The following PECR variants were observed in gnomAD, a reference collection of about 807,000 sequenced individuals.
The protein encoded by PECR is 2,4-dienoyl-CoA reductase-related protein.
In PECR, 30 loss-of-function variants were observed where a neutral mutation model predicts 35.3. The ratio of observed to expected loss-of-function variants is 0.85; its 90% CI spans 0.64 to 1.15. The LOEUF (loss-of-function observed/expected upper bound fraction) is 1.15, where lower values mean the gene tolerates loss of function less well. PECR is among the 50% of genes most tolerant of loss of function. The pLI, the probability that PECR is intolerant of heterozygous loss-of-function variation, is 0.00. For missense variants in PECR, 392 were observed against 370.8 expected (o/e 1.06, Z -0.47); for synonymous variants, 148 against 138.9 (o/e 1.07, Z -0.46).
At chr2:216,075,926 T>C (rs1378453504) in intron 1 of PECR, among the ~76,000 whole-genome samples, 1 of 152,208 alleles carries the variant, frequency 6.6e-6, no homozygotes, top group Admixed American at 6.5e-5. Context: ...TAACAGAAAG[T>C]GAATGATTAA....
At chr2:216,054,083 G>A (rs546728997) in intron 4 of PECR, among the ~76,000 whole-genome samples, 308 of 151,984 alleles carry the variant, frequency 2.0e-3, no homozygotes, top group African/African-American at 6.7e-3. Flanking sequence ...TCAGGAGTTC[G>A]AGACCAGCCT....
intron 7 of PECR, among the ~76,000 whole-genome samples, chr2:216,031,738 G>C (rs1418364525): frequency 1.4e-5 from 2 of 142,838 alleles, no homozygotes; most frequent in East Asian, 4.0e-4. Context: ...TTGGATAAAA[G>C]CATCCATTTA....
chr2:216,068,162 T>A lies in PECR; in HGVS notation c.125-1644A>T, dbSNP rs1178413216. 7.2e-5 allele frequency among the ~76,000 whole-genome samples: 10 copies of A among 139,826 alleles called. No individual in the cohort carries two copies. The East Asian group carries it at 2.1e-3, about 29-fold the overall frequency. 91.7% of individuals were successfully genotyped at this position (139,826 alleles called of 152,430 possible). ...TAATTGCTTGAACCCGGGAGGCAGA[T>A]GTTACAGGAGCTGAGATCGCCCCAC... is the stretch of plus-strand genomic sequence containing the variant. On this transcript the variant is annotated intron_variant, in intron 1 of 7. Coordinates refer to ENST00000265322, the MANE Select transcript of PECR (RefSeq NM_018441.6).
At chr2:216,036,144 T>A (rs1231758203), downstream of PECR, among the ~76,000 whole-genome samples, 1 of 151,990 alleles carries the variant, frequency 6.6e-6, no homozygotes, top group African/African-American at 2.4e-5. Context: ...GACGAAAGAG[T>A]GAGCCCCTGG....
chr2:216,066,251 C>T, intron 2 of PECR, 134 bp downstream of exon 2: 1 of 812,154 alleles, frequency 1.2e-6, no homozygotes, highest in Non-Finnish European at 2.2e-6. Context: ...ATGAGAATCT[C>T]TTTCACAGCC....
intron 1 of PECR, among the ~76,000 whole-genome samples, chr2:216,073,851 A>C (rs1410225561): frequency 1.3e-5 from 2 of 151,996 alleles, no homozygotes; most frequent in Non-Finnish European, 2.9e-5. Flanking sequence ...TTTGCCTACC[A>C]CTCTATGATG....
chr2:216,030,956 T>TCA (rs1219074422), intron 7 of PECR, among the ~76,000 whole-genome samples: 1,878 of 113,330 alleles, frequency 0.017, 18 homozygotes, highest in Middle Eastern at 0.037. Flanking sequence ...TCTCTCTCTC[T>TCA]CACACACACA....
At chr2:216,063,480 T>A (rs920813561) in intron 3 of PECR, among the ~76,000 whole-genome samples, 10 of 151,976 alleles carry the variant, frequency 6.6e-5, no homozygotes, top group African/African-American at 2.4e-4. Flanking sequence ...TAGCCAGATG[T>A]GGTGGTGAAT....
intron 1 of PECR, among the ~76,000 whole-genome samples, chr2:216,080,231 G>A (rs1221717422): frequency 1.3e-5 from 2 of 151,802 alleles, no homozygotes; most frequent in East Asian, 2.0e-4. Context: ...ACAGGTGTAC[G>A]CCACCATGCC....
intron 1 of PECR, among the ~76,000 whole-genome samples, chr2:216,080,185 G>A (rs972109942): frequency 6.6e-6 from 1 of 151,820 alleles, no homozygotes; most frequent in Non-Finnish European, 1.5e-5. Context: ...AGGTTCAAGC[G>A]ATTCTTGCGC....
At chr2:216,046,765 G>A (rs1441261067) in intron 6 of PECR, among the ~76,000 whole-genome samples, 1 of 152,080 alleles carries the variant, frequency 6.6e-6, no homozygotes, top group Non-Finnish European at 1.5e-5. Context: ...AAAATACAAT[G>A]CAAGTCTATT....
At position 216,043,069 on chromosome 2, in the gene PECR, ATG is replaced by A. The variant is rs778168721; in HGVS notation, c.826+833_826+834del. ...TATATATACACATACGTATATATGT[ATG>A]TATATATATACACATACATATATAT... is the stretch of plus-strand genomic sequence containing the variant. On this transcript the variant is annotated intron_variant, in intron 7 of 7. Transcript: ENST00000265322. Among the ~76,000 whole-genome samples, 4 of 41,720 alleles carry A rather than the reference ATG, an allele frequency of 9.6e-5. 1 individual carries two copies. The highest frequency in any genetic ancestry group is 6.0e-4 in the South Asian group (1 of 1,666). The allele number at this position is 41,720 out of a possible 152,430, so 27.4% of individuals were successfully genotyped here.
At chr2:216,032,974 G>A (rs556625562) in intron 7 of PECR, 1 of 152,286 alleles carries the variant, frequency 6.6e-6, no homozygotes, top group Admixed American at 6.5e-5. Flanking sequence ...AGACGGGCTG[G>A]TGTTCCACAA....
downstream of PECR, chr2:216,033,537 G>C (rs960333359): frequency 6.6e-6 from 1 of 152,292 alleles, no homozygotes; most frequent in African/African-American, 2.4e-5. Flanking sequence ...CAGGATGCCA[G>C]GAAGCAGCAA....
Position 216,081,785 on chromosome 2 carries a change from G to T in PECR, c.-44C>A, listed in dbSNP as rs1329532518. The T allele has an allele frequency of 1.2e-6, 2 of 1,605,680 alleles. No individual in the cohort carries two copies. Among genetic ancestry groups the T allele is most frequent in the East Asian group, 4.5e-5 (2 of 44,760 alleles). On this transcript the variant is annotated 5_prime_UTR_variant, in exon 1 of 8. Transcript: ENST00000265322. ...GAGCAGCTGAGCGCAGGCCCTTCTG[G>T]GTCTCAGGGACATTCGAGGCGGGCG...
chr2:216,065,235 G>A (rs1353098997), intron 3 of PECR, 77 bp downstream of exon 3: 7 of 936,156 alleles, frequency 7.5e-6, no homozygotes, highest in Non-Finnish European at 1.2e-5. Flanking sequence ...AATGACATGG[G>A]GCTTCTGAGT....
intron 7 of PECR, 80 bp from the exon 8 acceptor site, chr2:216,039,440 T>A: frequency 1.2e-6 from 1 of 823,030 alleles, no homozygotes; most frequent in Admixed American, 1.7e-5. Flanking sequence ...TCTTGTTAAT[T>A]TCCCTGGTTC....
At chr2:216,032,955 G>T (rs1285939334) in intron 7 of PECR, 1 of 152,120 alleles carries the variant, frequency 6.6e-6, no homozygotes, top group Non-Finnish European at 1.5e-5. Context: ...TCCTAAGAAG[G>T]CACTGCTCAG....
chr2:216,072,895 T>C (rs1240053654), intron 1 of PECR, among the ~76,000 whole-genome samples: 1 of 152,250 alleles, frequency 6.6e-6, no homozygotes, highest in African/African-American at 2.4e-5. Context: ...GTGGGTTTGC[T>C]GAATTGAATG....
Sources: gnomAD v4.1 joint callset for allele counts (sites outside exome capture counted in the v4.1 genomes callset) on GRCh38, gnomAD v4.1.1 for gene constraint, MANE v1.5 for transcripts, NCBI Gene and HGNC (gene_info 2026-07-23, HGNC 2026-07-21) for gene names.